DRC4: variants seen among roughly 807,000 people sequenced by gnomAD.
The protein encoded by DRC4 is GAS-11.
chr16:90,031,058 G>A, the DRC4 span: 2 of 855,420 alleles, frequency 2.3e-6, no homozygotes, highest in African/African-American at 1.7e-5. Context: ...CTCAGGAATG[G>A]ATGAAAGGAT....
the DRC4 span, chr16:90,043,351 C>A: frequency 6.2e-7 from 1 of 1,603,936 alleles, no homozygotes; most frequent in South Asian, 1.1e-5. Flanking sequence ...CGTAGCTGCC[C>A]CCCTGGGGGG....
the DRC4 span, chr16:90,040,107 A>T: frequency 3.2e-6 from 2 of 618,694 alleles, no homozygotes; most frequent in Non-Finnish European, 5.8e-6. Flanking sequence ...CCTGCCTTCC[A>T]CTGCGTGGAT....
chr16:90,020,290 T>C, the DRC4 span: 1 of 400,260 alleles, frequency 2.5e-6, no homozygotes, highest in African/African-American at 2.1e-5. Flanking sequence ...TGCCGTGAGC[T>C]ATGATTGTAT....
At chr16:90,040,161 T>G in the DRC4 span, 22 of 795,666 alleles carry the variant, frequency 2.8e-5, no homozygotes, top group Non-Finnish European at 3.9e-5. Flanking sequence ...GACAACACAC[T>G]GACCCCGGTG....
chr16:90,036,605 G>C, the DRC4 span: 1 of 1,555,750 alleles, frequency 6.4e-7, no homozygotes, highest in Non-Finnish European at 8.7e-7. Flanking sequence ...CGTGGGCTGG[G>C]CTGGGGAGGC....
chr16:90,034,617 G>C, the DRC4 span, among the ~76,000 whole-genome samples: 2 of 151,800 alleles, frequency 1.3e-5, no homozygotes, highest in Middle Eastern at 3.4e-3. Context: ...GTGAGAGTCT[G>C]TCTCAAAAAA....
At chr16:90,031,108 C>G in the DRC4 span, 1 of 1,306,272 alleles carries the variant, frequency 7.7e-7, no homozygotes, top group Non-Finnish European at 1.0e-6. Context: ...GAAGAGAATT[C>G]TGCCACCTGC....
At chr16:90,032,190 T>TGAG in the DRC4 span, among the ~76,000 whole-genome samples, 1 of 144,140 alleles carries the variant, frequency 6.9e-6, no homozygotes, top group Non-Finnish European at 1.5e-5. Context: ...TATGTACAGG[T>TGAG]GAGGTGTGTT....
chr16:90,029,631 C>CA, the DRC4 span: 1 of 230,896 alleles, frequency 4.3e-6, no homozygotes, highest in Non-Finnish European at 9.1e-6. Flanking sequence ...GGCTCAGAAC[C>CA]CCTCCTGCTG....
chr16:90,030,111 A>AT, the DRC4 span, among the ~76,000 whole-genome samples: 8 of 150,698 alleles, frequency 5.3e-5, no homozygotes, highest in South Asian at 2.1e-4. Flanking sequence ...CCTGTCCTAC[A>AT]TTTTTTTTTA....
the DRC4 span, chr16:90,020,038 GC>G: frequency 4.3e-6 from 3 of 691,704 alleles, no homozygotes. Flanking sequence ...TGTCCCTATC[GC>G]CCAGATTCAG....
the DRC4 span, chr16:90,035,631 A>T: frequency 6.2e-7 from 1 of 1,614,180 alleles, no homozygotes; most frequent in Non-Finnish European, 8.5e-7. Flanking sequence ...CTCCCTGTGC[A>T]GAAACACACC....
the DRC4 span, chr16:90,022,793 C>A: frequency 7.9e-7 from 1 of 1,272,212 alleles, no homozygotes; most frequent in Non-Finnish European, 1.0e-6. Flanking sequence ...AGGGAGGCCT[C>A]GGTACACGGA....
chr16:90,031,383 A>G, the DRC4 span: 2 of 1,613,942 alleles, frequency 1.2e-6, no homozygotes, highest in Non-Finnish European at 1.7e-6. Flanking sequence ...GCGGGACAAG[A>G]TCCACACCTT....
the DRC4 span, among the ~76,000 whole-genome samples, chr16:90,030,274 TA>T: frequency 3.9e-5 from 6 of 152,194 alleles, no homozygotes; most frequent in Admixed American, 6.5e-5. Context: ...ATCATTTGCA[TA>T]TTTTTTTTGG....
chr16:90,034,861 C>T, the DRC4 span, among the ~76,000 whole-genome samples: 1 of 137,440 alleles, frequency 7.3e-6, no homozygotes, highest in African/African-American at 2.7e-5. Flanking sequence ...GTAGCTGGAA[C>T]TATAGATATG....
At chr16:90,029,281 G>T in the DRC4 span, 1 of 1,366,608 alleles carries the variant, frequency 7.3e-7, no homozygotes. Flanking sequence ...CAGGGTCCAG[G>T]CAGGTGGGGA....
chr16:90,036,232 C>T, the DRC4 span: 1 of 691,672 alleles, frequency 1.4e-6, no homozygotes. Context: ...TCAGTCTAAA[C>T]CCCTTTGTTC....
At chr16:90,031,610 C>A in the DRC4 span, 3 of 1,157,432 alleles carry the variant, frequency 2.6e-6, no homozygotes, top group Non-Finnish European at 3.6e-6. Flanking sequence ...GGAGTCACAG[C>A]CTTAAAGGTG....
Sources: allele counts gnomAD v4.1 joint callset (sites outside exome capture counted in the v4.1 genomes callset), GRCh38; gene constraint gnomAD v4.1.1; transcripts MANE v1.5; gene names NCBI Gene and HGNC (gene_info 2026-07-23, HGNC 2026-07-21).